Variants in BAG4 observed in about 807,000 individuals in gnomAD.
BAG4 encodes the protein BAG cochaperone 4, also known as BAG family molecular chaperone regulator 4.
BAG4 carries 28 observed loss-of-function variants against 52.1 expected under a neutral mutation model. That is an observed-to-expected ratio of 0.54 (90% CI 0.40 to 0.74). BAG4 has a LOEUF of 0.74. BAG4 is among the 30% of genes least tolerant of loss of function. The probability of loss-of-function intolerance (pLI) is 0.00; values close to 1 mark genes in which losing one functional copy is unlikely to be tolerated. For missense variants in BAG4, 525 were observed against 572.0 expected (o/e 0.92, Z 0.84); for synonymous variants, 208 against 217.0 (o/e 0.96, Z 0.37).
At chr8:38,188,381 T>C (rs1803404035) in intron 1 of BAG4, among the ~76,000 whole-genome samples, 1 of 151,386 alleles carries the variant, frequency 6.6e-6, no homozygotes. Context: ...ACAAATAGTT[T>C]GAAAGTAAAT....
At position 38,205,921 on chromosome 8, in the gene BAG4, C is replaced by CT. The variant is rs869059707; in HGVS notation, c.379-1575dup. Among the ~76,000 whole-genome samples, 254 of 138,344 alleles carry CT rather than the reference C, an allele frequency of 1.8e-3. 1 individual carries two copies. Among genetic ancestry groups the CT allele is most frequent in the Admixed American group, 5.7e-3 (78 of 13,770 alleles). 90.8% of individuals were successfully genotyped at this position (138,344 alleles called of 152,430 possible). A position where few individuals can be genotyped will look rare whatever the true frequency, so the allele number is the denominator to read the frequency against. ...AGCTTGAATCTTTTTTTAAAAATTACTTTTTTTTTTTTTTTTAAATAGATG... is the reference window on the plus strand; with the variant it reads ...AGCTTGAATCTTTTTTTAAAAATTACTTTTTTTTTTTTTTTTTAAATAGATG... On this transcript the variant is annotated intron_variant, in intron 2 of 4. Coordinates refer to ENST00000287322, the MANE Select transcript of BAG4 (RefSeq NM_004874.4).
rs371760813 is a variant in BAG4, at chr8:38,194,033, G to A, written c.378+1238G>A. The stretch of plus-strand genomic sequence containing the variant: ...ATTATAGGCGTGAGCCACCACGCCC[G>A]GCCAGTTTTTGGATTTTTAGTAGAG... On this transcript the variant is annotated intron_variant, in intron 2 of 4. Coordinates refer to ENST00000287322, the MANE Select transcript of BAG4 (RefSeq NM_004874.4). Among the ~76,000 whole-genome samples, 9 of 151,914 alleles carry A rather than the reference G, an allele frequency of 5.9e-5. No homozygotes were observed. The East Asian group carries it at 9.7e-4, about 16-fold the overall frequency.
chr8:38,206,014 G>A (rs1037256839), intron 2 of BAG4, among the ~76,000 whole-genome samples: 3 of 151,220 alleles, frequency 2.0e-5, no homozygotes, highest in Admixed American at 2.0e-4. Flanking sequence ...TCCTAGGCTG[G>A]ATGCAGTAGC....
At chr8:38,190,978 G>A (rs1190810489) in intron 1 of BAG4, among the ~76,000 whole-genome samples, 1 of 151,952 alleles carries the variant, frequency 6.6e-6, no homozygotes, top group South Asian at 2.1e-4. Flanking sequence ...GGCTGGTCTC[G>A]AACTCCTGAC....
intron 1 of BAG4, among the ~76,000 whole-genome samples, chr8:38,187,752 G>A (rs1441975415): frequency 2.0e-5 from 3 of 151,726 alleles, no homozygotes; most frequent in African/African-American, 2.4e-5. Flanking sequence ...GCTGGGTGCT[G>A]TGGCTCACGC....
intron 1 of BAG4, among the ~76,000 whole-genome samples, chr8:38,187,751 T>G (rs111255806): frequency 0.016 from 2,353 of 151,522 alleles, 34 homozygotes; most frequent in Middle Eastern, 0.045. Flanking sequence ...AGCTGGGTGC[T>G]GTGGCTCACG....
intron 1 of BAG4, among the ~76,000 whole-genome samples, chr8:38,188,947 C>T (rs1012064189): frequency 2.0e-5 from 3 of 147,798 alleles, no homozygotes; most frequent in African/African-American, 7.5e-5. Context: ...GTGTGTGCCA[C>T]CATGCCCGGC....
chr8:38,197,473 T>G (rs1197864019), intron 2 of BAG4, among the ~76,000 whole-genome samples: 2 of 152,118 alleles, frequency 1.3e-5, no homozygotes, highest in Admixed American at 6.6e-5. Context: ...GATAACAAAA[T>G]ATTATATCAC....
intron 2 of BAG4, among the ~76,000 whole-genome samples, chr8:38,198,316 G>A (rs1302683805): frequency 9.4e-5 from 14 of 148,356 alleles, no homozygotes; most frequent in Non-Finnish European, 1.6e-4. Context: ...TCCGGGAGGC[G>A]GAGCTTGCAA....
rs917098667 is a variant in BAG4 at position 38,181,400 on chromosome 8, C to G, written c.270+4261C>G. Among the ~76,000 whole-genome samples, 9 of 151,432 alleles carry G rather than the reference C, an allele frequency of 5.9e-5. No homozygotes were observed. The East Asian group carries it at 1.8e-3, about 30-fold the overall frequency. ...AGGCACCCGCCACCATGCCCGACTA[C>G]TTTTGTATTTTTGGTACCCGGCCAC... is the stretch of plus-strand genomic sequence containing the variant. On this transcript the variant is annotated intron_variant, in intron 1 of 4. Transcript: ENST00000287322.
Position 38,176,903 on chromosome 8 carries a change from A to G in BAG4, c.34A>G (p.Ser12Gly). 1 of 1,547,216 alleles carries G rather than the reference A, an allele frequency of 6.5e-7. No homozygotes were observed. Among genetic ancestry groups the G allele is most frequent in the Non-Finnish European group, 8.7e-7 (1 of 1,145,878 alleles). Residue 12 changes from serine (S) to glycine (G), a missense_variant, in exon 1 of 5, where the codon AGT becomes GGT. Physicochemically the swap from Ser to Gly is moderately conservative, Grantham distance 56 (BLOSUM62 0). Transcript: ENST00000287322. ...SALRRSGYGP[S>G]DGPSYGRYYG... ...CCTGAGGCGCTCGGGCTACGGCCCC[A>G]GTGACGGTCCGTCCTACGGCCGCTA...
At chr8:38,185,546 A>G (rs1803350621) in intron 1 of BAG4, among the ~76,000 whole-genome samples, 2 of 152,326 alleles carry the variant, frequency 1.3e-5, no homozygotes, top group South Asian at 4.1e-4. Flanking sequence ...CCTAGGGAAT[A>G]TAGCAAATGA....
chr8:38,190,179 T>C (rs1803449779), intron 1 of BAG4, among the ~76,000 whole-genome samples: 1 of 152,192 alleles, frequency 6.6e-6, no homozygotes, highest in South Asian at 2.1e-4. Flanking sequence ...ATATTTTATC[T>C]TTCCTTGTCC....
intron 1 of BAG4, among the ~76,000 whole-genome samples, chr8:38,186,312 T>C (rs982039745): frequency 6.6e-6 from 1 of 152,180 alleles, no homozygotes; most frequent in African/African-American, 2.4e-5. Flanking sequence ...CTCCACTTCG[T>C]AAAGCAGGGA....
chr8:38,207,831 A>G, intron 3 of BAG4, 65 bp downstream of exon 3: 1 of 1,572,162 alleles, frequency 6.4e-7, no homozygotes, highest in Non-Finnish European at 8.7e-7. Context: ...ACAGTGGAAG[A>G]GCATCTGTTC....
intron 2 of BAG4, among the ~76,000 whole-genome samples, chr8:38,199,150 C>T (rs1803616760): frequency 6.6e-6 from 1 of 152,198 alleles, no homozygotes; most frequent in South Asian, 2.1e-4. Context: ...AACTGGCACA[C>T]AGCAAGTTTG....
chr8:38,208,284 CT>C (rs1803808485), intron 3 of BAG4, among the ~76,000 whole-genome samples: 1 of 128,892 alleles, frequency 7.8e-6, no homozygotes. Context: ...AAATCTTAGC[CT>C]TTTTTAGCAC....
chr8:38,191,111 T>C (rs193105347), intron 1 of BAG4, among the ~76,000 whole-genome samples: 297 of 152,320 alleles, frequency 1.9e-3, no homozygotes, highest in African/African-American at 6.4e-3. Context: ...CATACTGATA[T>C]TTACAATTCA....
intron 1 of BAG4, among the ~76,000 whole-genome samples, chr8:38,178,983 T>A (rs770742455): frequency 6.6e-6 from 1 of 151,654 alleles, no homozygotes; most frequent in Non-Finnish European, 1.5e-5. Flanking sequence ...AATAAAAAAA[T>A]AAAAAACAAA....
Sources: gnomAD v4.1 joint callset for allele counts (sites outside exome capture counted in the v4.1 genomes callset) on GRCh38, gnomAD v4.1.1 for gene constraint, MANE v1.5 for transcripts, NCBI Gene and HGNC (gene_info 2026-07-23, HGNC 2026-07-21) for gene names.